Variants in NARS2 observed in about 807,000 individuals in gnomAD.
The protein encoded by NARS2 is asparaginyl-tRNA synthetase.
In NARS2, 60 loss-of-function variants were observed where a neutral mutation model predicts 62.9. The observed-to-expected ratio is 0.95, with a 90% CI of 0.77 to 1.18. The LOEUF is 1.18. Ranked by LOEUF, NARS2 falls within the 50% of genes most tolerant of loss-of-function variation. NARS2 has a pLI of 0.00. For missense variants in NARS2, 619 were observed against 576.4 expected, an observed-to-expected ratio of 1.07 and a Z score of -0.76; for synonymous variants, 196 against 200.0, an observed-to-expected ratio of 0.98 and a Z score of 0.17.
intron 2 of NARS2, among the ~76,000 whole-genome samples, chr11:78,570,163 C>T (rs1856871973): frequency 6.6e-6 from 1 of 152,116 alleles, no homozygotes; most frequent in East Asian, 1.9e-4. Flanking sequence ...ACATTCCAGC[C>T]TGAGCGACAG....
chr11:78,561,328 A>C (rs553964016), intron 4 of NARS2, among the ~76,000 whole-genome samples: 1 of 152,248 alleles, frequency 6.6e-6, no homozygotes, highest in African/African-American at 2.4e-5. Context: ...GAATAAAAGG[A>C]AAGTAAATAG....
rs187487865 is a variant in NARS2 at position 78,454,129 on chromosome 11, C to A, written c.1165-10371G>T. On this transcript the variant is annotated intron_variant, in intron 11 of 13. Transcript: ENST00000281038. ...ATGAGTTCCTCCACTTGAGAGAGGA[C>A]AACATTTCAGTAAACGGCACCACTC... is the stretch of plus-strand genomic sequence containing the variant. 2.2e-4 allele frequency among the ~76,000 whole-genome samples: 30 copies of A among 139,438 alleles called. No homozygotes were observed. In the South Asian group the frequency reaches 5.3e-3, roughly 25 times the overall value. The allele number at this position is 139,438 out of a possible 152,430, so 91.5% of individuals were successfully genotyped here.
chr11:78,485,888 T>C (rs1214224557), intron 7 of NARS2, among the ~76,000 whole-genome samples: 1 of 152,136 alleles, frequency 6.6e-6, no homozygotes, highest in African/African-American at 2.4e-5. Flanking sequence ...TACTACTATT[T>C]TTTGAGACGG....
chr11:78,537,050 A>G (rs1167754888), intron 5 of NARS2, among the ~76,000 whole-genome samples: 5 of 152,340 alleles, frequency 3.3e-5, no homozygotes, highest in South Asian at 4.1e-4. Context: ...ACAAGAGACT[A>G]GACCATACAG....
intron 7 of NARS2, among the ~76,000 whole-genome samples, chr11:78,491,387 G>GT (rs1268410500): frequency 1.6e-5 from 1 of 64,418 alleles, no homozygotes; most frequent in Non-Finnish European, 4.4e-5. Flanking sequence ...ATATTGTGTG[G>GT]CCGAATGCCC....
chr11:78,478,343 A>C (rs1468956992), intron 9 of NARS2, 95 bp downstream of exon 9: 2 of 445,450 alleles, frequency 4.5e-6, no homozygotes, highest in South Asian at 5.0e-5. Flanking sequence ...TATATATAGG[A>C]TCTATATAAG....
intron 11 of NARS2, among the ~76,000 whole-genome samples, chr11:78,452,117 TA>T (rs200890704): frequency 3.3e-5 from 5 of 151,930 alleles, no homozygotes; most frequent in African/African-American, 7.3e-5. Context: ...ATTTTTTTTT[TA>T]AATTTTTTTG....
intron 13 of NARS2, 140 bp downstream of exon 13, chr11:78,440,951 C>G (rs1857559468): frequency 2.9e-6 from 2 of 689,700 alleles, no homozygotes; most frequent in South Asian, 4.1e-5. Flanking sequence ...GAGCCCCCAA[C>G]CCCTTCCCTG....
intron 7 of NARS2, among the ~76,000 whole-genome samples, chr11:78,485,259 G>C (rs1200451763): frequency 6.6e-6 from 1 of 152,080 alleles, no homozygotes; most frequent in Non-Finnish European, 1.5e-5. Flanking sequence ...AGGGGAGGGA[G>C]AGCATTAGGA....
At chr11:78,451,315 A>C (rs1028216182) in intron 11 of NARS2, among the ~76,000 whole-genome samples, 1 of 152,212 alleles carries the variant, frequency 6.6e-6, no homozygotes, top group South Asian at 2.1e-4. Flanking sequence ...TCTACCTTGT[A>C]TCTCCCCCTG....
intron 11 of NARS2, among the ~76,000 whole-genome samples, chr11:78,444,852 C>G (rs1346996960): frequency 6.6e-6 from 1 of 151,574 alleles, no homozygotes; most frequent in African/African-American, 2.4e-5. Context: ...GCTCATATAA[C>G]TGATACAACT....
intron 5 of NARS2, among the ~76,000 whole-genome samples, chr11:78,555,831 C>T (rs1405024312): frequency 6.6e-6 from 1 of 152,140 alleles, no homozygotes; most frequent in Non-Finnish European, 1.5e-5. Context: ...CTATGATTTT[C>T]CCTCTGAACA....
intron 7 of NARS2, among the ~76,000 whole-genome samples, chr11:78,484,138 G>T (rs1164901588): frequency 2.0e-5 from 3 of 152,270 alleles, no homozygotes; most frequent in East Asian, 1.9e-4. Context: ...AAGAAATGGG[G>T]AAAGGATTCT....
chr11:78,525,018 T>C (rs1488325443), intron 6 of NARS2, among the ~76,000 whole-genome samples: 1 of 152,114 alleles, frequency 6.6e-6, no homozygotes, highest in Admixed American at 6.6e-5. Flanking sequence ...AAATTCATAT[T>C]ACTAAGCAAA....
At chr11:78,550,879 G>A (rs558529709) in intron 5 of NARS2, among the ~76,000 whole-genome samples, 1 of 152,242 alleles carries the variant, frequency 6.6e-6, no homozygotes, top group East Asian at 1.9e-4. Flanking sequence ...AACAAAACAT[G>A]ATACATCCAC....
intron 5 of NARS2, among the ~76,000 whole-genome samples, chr11:78,537,015 T>C (rs931204652): frequency 6.6e-6 from 1 of 152,214 alleles, no homozygotes; most frequent in African/African-American, 2.4e-5. Context: ...TACAGCAACA[T>C]ACTGAATAGG....
chr11:78,476,266 C>T (rs1859091147), intron 9 of NARS2, among the ~76,000 whole-genome samples: 1 of 152,216 alleles, frequency 6.6e-6, no homozygotes, highest in South Asian at 2.1e-4. Context: ...GCTGTGAGCA[C>T]TGCCCCACTC....
rs10533814 is a variant in NARS2 at position 78,505,269 on chromosome 11, T to TAC, written c.690-12076_690-12075dup. ...ACCTTGTCTCTTAAAGAAAACAAAA[T>TAC]ACACACACACACACACACACACACA... On this transcript the variant is annotated intron_variant, in intron 6 of 13. Coordinates refer to ENST00000281038, the MANE Select transcript of NARS2 (RefSeq NM_024678.6). Among the ~76,000 whole-genome samples the TAC allele has an allele frequency of 5.7e-3, 758 of 133,388 alleles. 4 individuals are homozygous for TAC. The highest frequency in any genetic ancestry group is 0.01 in the Admixed American group (133 of 13,060). 87.5% of individuals were successfully genotyped at this position (133,388 alleles called of 152,430 possible). A position where few individuals can be genotyped will look rare whatever the true frequency, so the allele number is the denominator to read the frequency against.
Position 78,534,632 on chromosome 11 carries a change from A to C in NARS2, c.595-5696T>G, listed in dbSNP as rs1242397808. 5.3e-5 allele frequency among the ~76,000 whole-genome samples: 8 copies of C among 152,174 alleles called. No homozygotes were observed. In the South Asian group the frequency reaches 1.4e-3, roughly 28 times the overall value. On this transcript the variant is annotated intron_variant, in intron 5 of 13. Coordinates refer to ENST00000281038, the MANE Select transcript of NARS2 (RefSeq NM_024678.6). ...TCTTAAGATCAAAGATTCATACTAA[A>C]TACCTTTTGTTTCACAGTGTTATCT...
Sources: allele counts gnomAD v4.1 joint callset (sites outside exome capture counted in the v4.1 genomes callset), GRCh38; gene constraint gnomAD v4.1.1; transcripts MANE v1.5; gene names NCBI Gene and HGNC (gene_info 2026-07-23, HGNC 2026-07-21).